CCSER2: variants seen among roughly 807,000 people sequenced by gnomAD.
The protein encoded by CCSER2 is coiled-coil serine rich protein 2.
CCSER2 carries 46 observed loss-of-function variants against 92.3 expected under a neutral mutation model. The ratio of observed to expected loss-of-function variants is 0.50; its 90% CI spans 0.39 to 0.64. The LOEUF is 0.64. CCSER2 is among the 30% of genes least tolerant of loss of function. The pLI is 0.00. For synonymous variants in CCSER2, 433 were observed against 431.4 expected (o/e 1.00, Z -0.04); for missense variants, 1,244 against 1,238.9 (o/e 1.00, Z -0.06).
intron 9 of CCSER2, among the ~76,000 whole-genome samples, chr10:84,482,476 ATTC>A (rs1387831657): frequency 6.6e-6 from 1 of 152,240 alleles, no homozygotes; most frequent in African/African-American, 2.4e-5. Context: ...GTACAAGCAT[ATTC>A]TTAAAAATTA....
intron 3 of CCSER2, among the ~76,000 whole-genome samples, chr10:84,395,550 A>G (rs1283080135): frequency 1.3e-5 from 2 of 152,122 alleles, no homozygotes; most frequent in African/African-American, 4.8e-5. Flanking sequence ...TTCTAGTGGC[A>G]TTTGTGTGGT....
chr10:84,463,927 T>G lies in CCSER2; in HGVS notation c.2065-6T>G. On this transcript the variant is annotated splice_region_variant and splice_polypyrimidine_tract_variant and intron_variant, in intron 6 of 9. Transcript: ENST00000372088. Reference sequence around the variant, plus strand: ...TCTAGTGTTTTTCTTCCCTTCTTTCTGACAGCATGATGGAAGTGGTTCATT... The same window carrying G: ...TCTAGTGTTTTTCTTCCCTTCTTTCGGACAGCATGATGGAAGTGGTTCATT... 6.3e-7 allele frequency: 1 copy of G among 1,594,562 alleles called. No homozygotes were observed.
intron 9 of CCSER2, among the ~76,000 whole-genome samples, chr10:84,497,264 T>A (rs1041046900): frequency 3.9e-5 from 6 of 152,200 alleles, no homozygotes; most frequent in African/African-American, 1.4e-4. Flanking sequence ...CTGGATAAGA[T>A]TTTGACAGAT....
intron 3 of CCSER2, among the ~76,000 whole-genome samples, chr10:84,388,084 C>T (rs528349172): frequency 2.6e-5 from 4 of 152,198 alleles, no homozygotes; most frequent in East Asian, 3.9e-4. Context: ...AGGCTGGTCT[C>T]GAACTCCTGA....
intron 7 of CCSER2, among the ~76,000 whole-genome samples, chr10:84,468,697 C>T (rs1189645646): frequency 6.6e-6 from 1 of 151,758 alleles, no homozygotes; most frequent in Non-Finnish European, 1.5e-5. Context: ...ATTTTATTCC[C>T]GTTGTCCTCT....
intron 3 of CCSER2, among the ~76,000 whole-genome samples, chr10:84,389,930 A>G (rs1841431337): frequency 6.6e-6 from 1 of 152,132 alleles, no homozygotes; most frequent in Admixed American, 6.6e-5. Context: ...TAGGCCTGGA[A>G]TGAGTGATTT....
rs1338308150 is a variant in CCSER2 at position 84,516,981 on chromosome 10, T to C, written c.*2714T>C. Reference sequence around the variant, plus strand: ...TTCTTAGTAAATGTTAAGTCTGAAATGGAAGTGAGGATGTAACTCTACTGA... The same window carrying C: ...TTCTTAGTAAATGTTAAGTCTGAAACGGAAGTGAGGATGTAACTCTACTGA... On this transcript the variant is annotated 3_prime_UTR_variant, in exon 10 of 10. Transcript: ENST00000372088. 2.0e-5 allele frequency: 3 copies of C among 152,202 alleles called. No homozygotes were observed. Among genetic ancestry groups the C allele is most frequent in the African/African-American group, 7.2e-5 (3 of 41,462 alleles). The allele number at this position is 152,202 out of a possible 1,614,324, so 9.4% of individuals were successfully genotyped here.
At chr10:84,395,025 A>C (rs1444710754) in intron 3 of CCSER2, among the ~76,000 whole-genome samples, 2 of 151,970 alleles carry the variant, frequency 1.3e-5, no homozygotes, top group African/African-American at 4.8e-5. Flanking sequence ...GGAATTTGAG[A>C]CCAGACTGAG....
chr10:84,439,923 G>T (rs1323454372), intron 6 of CCSER2, among the ~76,000 whole-genome samples: 1 of 152,158 alleles, frequency 6.6e-6, no homozygotes, highest in African/African-American at 2.4e-5. Flanking sequence ...AGTGTCAAAG[G>T]GAAGAGGTGG....
intron 3 of CCSER2, chr10:84,374,027 GT>G: frequency 9.4e-7 from 1 of 1,069,232 alleles, no homozygotes; most frequent in Non-Finnish European, 1.3e-6. Flanking sequence ...TACTCAACAT[GT>G]TTACATATAT....
intron 3 of CCSER2, among the ~76,000 whole-genome samples, chr10:84,399,319 TAA>T (rs1841997117): frequency 2.0e-5 from 3 of 152,176 alleles, no homozygotes. Context: ...ATTTCACTTA[TAA>T]TAATACCCTC....
intron 3 of CCSER2, among the ~76,000 whole-genome samples, chr10:84,406,271 G>A (rs191485476): frequency 1.5e-3 from 231 of 152,224 alleles, no homozygotes; most frequent in Non-Finnish European, 2.2e-3. Context: ...ATGGGAGGAG[G>A]GTGTAACTAT....
chr10:84,500,884 A>G (rs1355067010), intron 9 of CCSER2, among the ~76,000 whole-genome samples: 1 of 152,218 alleles, frequency 6.6e-6, no homozygotes, highest in Non-Finnish European at 1.5e-5. Context: ...AATGTGATTT[A>G]TTTAAAGAAA....
chr10:84,507,803 G>A (rs1849145928), intron 9 of CCSER2, among the ~76,000 whole-genome samples: 1 of 152,000 alleles, frequency 6.6e-6, no homozygotes, highest in African/African-American at 2.4e-5. Flanking sequence ...CTTTTTTCAT[G>A]TTCATTATGT....
At chr10:84,365,060 A>G (rs1211636013) in intron 1 of CCSER2, among the ~76,000 whole-genome samples, 1 of 152,106 alleles carries the variant, frequency 6.6e-6, no homozygotes, top group Non-Finnish European at 1.5e-5. Flanking sequence ...ATTTTTAAAT[A>G]TTAAATACCA....
At chr10:84,365,372 A>C (rs991599649) in intron 1 of CCSER2, among the ~76,000 whole-genome samples, 6 of 152,248 alleles carry the variant, frequency 3.9e-5, no homozygotes, top group Admixed American at 1.3e-4. Flanking sequence ...TTATTTCAAA[A>C]TTATAAGCAA....
At chr10:84,463,848 C>T in intron 6 of CCSER2, 85 bp from the exon 7 acceptor site, 1 of 868,094 alleles carries the variant, frequency 1.2e-6, no homozygotes, top group South Asian at 1.6e-5. Flanking sequence ...ACCATGCTAG[C>T]ATTTGGTCTG....
chr10:84,396,711 AT>A (rs1191084137), intron 3 of CCSER2, among the ~76,000 whole-genome samples: 1 of 152,018 alleles, frequency 6.6e-6, no homozygotes, highest in East Asian at 1.9e-4. Flanking sequence ...TAATTTTTGT[AT>A]TTTTGGTAGA....
chr10:84,501,660 G>A (rs907614095), intron 9 of CCSER2, among the ~76,000 whole-genome samples: 25 of 143,592 alleles, frequency 1.7e-4, no homozygotes, highest in Admixed American at 2.8e-4. Context: ...TTTCCTTTTT[G>A]TTTCCAACTG....
Sources: allele counts gnomAD v4.1 joint callset (sites outside exome capture counted in the v4.1 genomes callset), GRCh38; gene constraint gnomAD v4.1.1; transcripts MANE v1.5; gene names NCBI Gene and HGNC (gene_info 2026-07-23, HGNC 2026-07-21).